Variants in TMEM45B observed in about 807,000 individuals in gnomAD.
TMEM45B encodes the protein transmembrane protein 45B.
A neutral mutation model predicts 27.3 loss-of-function variants in TMEM45B; 29 were observed. That is an observed-to-expected ratio of 1.06 (90% confidence interval 0.79 to 1.45). The LOEUF is 1.45. Ranked by LOEUF, TMEM45B falls within the 40% of genes most tolerant of loss-of-function variation. TMEM45B has a pLI of 0.00. For synonymous variants in TMEM45B, 143 were observed against 134.7 expected (o/e 1.06, Z -0.43); for missense variants, 348 against 343.9 (o/e 1.01, Z -0.09).
intron 2 of TMEM45B, among the ~76,000 whole-genome samples, chr11:129,854,149 C>T (rs559442540): frequency 3.3e-5 from 5 of 152,192 alleles, no homozygotes; most frequent in Admixed American, 6.5e-5. Context: ...TCCCTTGGCA[C>T]GTACAGGTAT....
At chr11:129,839,279 A>G (rs1381555227) in intron 1 of TMEM45B, among the ~76,000 whole-genome samples, 3 of 152,144 alleles carry the variant, frequency 2.0e-5, no homozygotes, top group Non-Finnish European at 4.4e-5. Flanking sequence ...TGGGGATTTA[A>G]TAGGGAGATT....
chr11:129,838,681 G>C (rs1002293881), intron 1 of TMEM45B, among the ~76,000 whole-genome samples: 1 of 152,056 alleles, frequency 6.6e-6, no homozygotes, highest in Non-Finnish European at 1.5e-5. Context: ...GGATATTTGG[G>C]GATCTATTAT....
At chr11:129,819,635 C>T (rs180922542) in intron 1 of TMEM45B, among the ~76,000 whole-genome samples, 1 of 152,118 alleles carries the variant, frequency 6.6e-6, no homozygotes, top group East Asian at 1.9e-4. Flanking sequence ...CGGCTCACTG[C>T]AACCTCCGCT....
intron 1 of TMEM45B, 135 bp downstream of exon 1, chr11:129,816,033 C>G (rs1947346134): frequency 1.7e-6 from 2 of 1,203,044 alleles, no homozygotes; most frequent in Non-Finnish European, 2.1e-6. Context: ...GGGACGCGGA[C>G]AGGGAGGGGC....
At chr11:129,818,940 T>C (rs1393395145) in intron 1 of TMEM45B, among the ~76,000 whole-genome samples, 1 of 152,254 alleles carries the variant, frequency 6.6e-6, no homozygotes, top group Non-Finnish European at 1.5e-5. Context: ...TTGCTCCTTC[T>C]GTCATGTGGT....
intron 1 of TMEM45B, among the ~76,000 whole-genome samples, chr11:129,817,688 G>A (rs1198481099): frequency 5.9e-5 from 9 of 152,100 alleles, no homozygotes; most frequent in Admixed American, 4.6e-4. Flanking sequence ...CACCCTTCTG[G>A]TTGATGTTGG....
chr11:129,827,632 C>T (rs977969047), intron 1 of TMEM45B, among the ~76,000 whole-genome samples: 13 of 152,088 alleles, frequency 8.5e-5, no homozygotes, highest in African/African-American at 1.4e-4. Context: ...GGAGAAACCC[C>T]GCCTCTACTA....
At chr11:129,826,550 A>C (rs867251880) in intron 1 of TMEM45B, among the ~76,000 whole-genome samples, 91 of 70,466 alleles carry the variant, frequency 1.3e-3, no homozygotes, top group Non-Finnish European at 1.6e-3. Context: ...CTCTGTCACA[A>C]AAAAAAAAAA....
chr11:129,822,093 T>A (rs907195229), intron 1 of TMEM45B, among the ~76,000 whole-genome samples: 2 of 152,210 alleles, frequency 1.3e-5, no homozygotes, highest in African/African-American at 4.8e-5. Context: ...GTTTTTTTAG[T>A]TCTAATAAAT....
intron 1 of TMEM45B, among the ~76,000 whole-genome samples, chr11:129,837,355 A>G (rs774746980): frequency 4.0e-5 from 6 of 151,544 alleles, no homozygotes; most frequent in Non-Finnish European, 8.8e-5. Flanking sequence ...GCGCCATCTC[A>G]GCTCACTGCA....
At chr11:129,831,682 C>G in intron 1 of TMEM45B, among the ~76,000 whole-genome samples, 1 of 152,176 alleles carries the variant, frequency 6.6e-6, no homozygotes, top group Non-Finnish European at 1.5e-5. Flanking sequence ...TTCACAGCAT[C>G]ATTATTCATA....
intron 1 of TMEM45B, among the ~76,000 whole-genome samples, chr11:129,817,445 A>G (rs1423551536): frequency 1.3e-5 from 2 of 152,196 alleles, no homozygotes; most frequent in Non-Finnish European, 2.9e-5. Context: ...TGAAGGTTTT[A>G]TTGAATATGG....
chr11:129,858,588 T>C lies in TMEM45B; in HGVS notation c.731T>C (p.Met244Thr), dbSNP rs1277231233. The change falls in exon 6 of 6, where the codon ATG (methionine) becomes ACG (threonine). Residue 244 changes from methionine (M) to threonine (T), a missense_variant. Transcript: ENST00000281441. The stretch of plus-strand genomic sequence containing the variant: ...CTCTATTAAAGCCTTTTGACTCGGA[T>C]GAAGAGACACGGAAGGGGAGAAATC... ...YSLVYCLLTR[M>T]KRHGRGEIIG... The C allele has an allele frequency of 4.4e-6, 7 of 1,585,982 alleles. No individual in the cohort carries two copies. The highest frequency in any genetic ancestry group is 1.3e-5 in the African/African-American group (1 of 74,720).
rs931218577 is a variant in TMEM45B, at chr11:129,828,805, C to T, written c.-9+12907C>T. ...CAAACACACGTCTCATTCCCATTAA[C>T]AAGTTATGCTCAGCCACTGCCCTCT... On this transcript the variant is annotated intron_variant, in intron 1 of 5. Transcript: ENST00000281441. Among the ~76,000 whole-genome samples, 7 of 152,314 alleles carry T rather than the reference C, an allele frequency of 4.6e-5. No homozygotes were observed. In the South Asian group the frequency reaches 1.4e-3, roughly 32 times the overall value.
chr11:129,855,701 G>A lies in TMEM45B; in HGVS notation c.386-7G>A. On this transcript the variant is annotated splice_polypyrimidine_tract_variant and splice_region_variant and intron_variant, in intron 3 of 5. Transcript: ENST00000281441. ...AGCCCTGACAGCTGCCATCTGGTTT[G>A]TGGCAGGTTTCCTCTTCTACTACCA... 1.2e-6 allele frequency: 2 copies of A among 1,613,848 alleles called. No individual in the cohort carries two copies. The highest frequency in any genetic ancestry group is 2.2e-5 in the South Asian group (2 of 91,086).
chr11:129,856,857 CTTTTTT>C (rs34320792), intron 4 of TMEM45B, among the ~76,000 whole-genome samples: 3 of 129,738 alleles, frequency 2.3e-5, no homozygotes, highest in Non-Finnish European at 3.2e-5. Flanking sequence ...CCGCGCCCGG[CTTTTTT>C]TTTTTTTTTA....
chr11:129,849,835 G>A (rs559102411), intron 1 of TMEM45B, among the ~76,000 whole-genome samples: 11 of 152,246 alleles, frequency 7.2e-5, no homozygotes, highest in South Asian at 2.1e-4. Context: ...CTGTTCTGCC[G>A]CAAGGCTCTA....
intron 1 of TMEM45B, among the ~76,000 whole-genome samples, chr11:129,833,571 TC>T (rs1947580217): frequency 6.6e-6 from 1 of 152,044 alleles, no homozygotes; most frequent in South Asian, 2.1e-4. Flanking sequence ...GCTCAGGAGT[TC>T]CAGACCAGCC....
At chr11:129,820,628 G>A (rs1166182511) in intron 1 of TMEM45B, among the ~76,000 whole-genome samples, 3 of 152,182 alleles carry the variant, frequency 2.0e-5, no homozygotes, top group Non-Finnish European at 1.5e-5. Flanking sequence ...CTGAGGGCAG[G>A]TGGTTGCGGG....
Sources: gnomAD v4.1 joint callset for allele counts (sites outside exome capture counted in the v4.1 genomes callset) on GRCh38, gnomAD v4.1.1 for gene constraint, MANE v1.5 for transcripts, NCBI Gene and HGNC (gene_info 2026-07-23, HGNC 2026-07-21) for gene names.